GDPD4: variants seen among roughly 807,000 people sequenced by gnomAD.
GDPD4 encodes the protein glycerophosphodiester phosphodiesterase 6.
GDPD4 carries 60 observed loss-of-function variants against 67.8 expected under a neutral mutation model. That is an observed-to-expected ratio of 0.88 (90% confidence interval 0.72 to 1.10). GDPD4 has a LOEUF of 1.10. Among genes scored for constraint, GDPD4 ranks in the 50% least tolerant of loss-of-function variants. The pLI, the probability that GDPD4 is intolerant of heterozygous loss-of-function variation, is 0.00. For synonymous variants in GDPD4, 212 were observed against 210.9 expected (o/e 1.00, Z -0.04); for missense variants, 623 against 613.9 (o/e 1.01, Z -0.16).
In GDPD4 at chr11:77,233,084, A is replaced by C. The variant is rs1565511160; in HGVS notation, c.1330T>G (p.Ser444Ala). The part of the protein sequence containing the change: ...FSLAWCSRIN[S>A]VTTDNIGLLS... ...AGCCCAATGTTGTCTGTGGTCACTG[A>C]GTTAATCCTGGAGCACCAGGCCAGT... is the stretch of plus-strand genomic sequence containing the variant. The change falls in exon 14 of 17, where the codon TCA becomes GCA. Residue 444 changes from serine (S) to alanine (A), a missense_variant. Coordinates refer to ENST00000315938, the MANE Select transcript of GDPD4 (RefSeq NM_182833.3). The C allele has an allele frequency of 1.2e-6, 2 of 1,614,068 alleles. No individual in the cohort carries two copies. The highest frequency in any genetic ancestry group is 1.1e-5 in the South Asian group (1 of 91,070).
At chr11:77,240,210 G>C (rs1958636584) in intron 13 of GDPD4, among the ~76,000 whole-genome samples, 1 of 151,988 alleles carries the variant, frequency 6.6e-6, no homozygotes, top group Admixed American at 6.6e-5. Flanking sequence ...GAACAAGGCT[G>C]GACACATCAC....
At chr11:77,264,124 G>A (rs1305679670) in intron 10 of GDPD4, among the ~76,000 whole-genome samples, 1 of 152,088 alleles carries the variant, frequency 6.6e-6, no homozygotes, top group African/African-American at 2.4e-5. Flanking sequence ...TTTATAAGAG[G>A]ACTGGGAATA....
intron 10 of GDPD4, among the ~76,000 whole-genome samples, chr11:77,260,185 T>C (rs1052742789): frequency 2.6e-5 from 4 of 152,024 alleles, no homozygotes; most frequent in Non-Finnish European, 5.9e-5. Context: ...TACACGCCTG[T>C]AGTCCCAGCT....
intron 11 of GDPD4, among the ~76,000 whole-genome samples, chr11:77,247,047 TTTC>T (rs947664210): frequency 1.3e-5 from 2 of 152,174 alleles, no homozygotes; most frequent in Admixed American, 6.5e-5. Flanking sequence ...ACCTCTCCTA[TTTC>T]TTCTTCTTCT....
chr11:77,224,132 C>G (rs11824060), intron 16 of GDPD4: 1 of 152,122 alleles, frequency 6.6e-6, no homozygotes, highest in African/African-American at 2.4e-5. Flanking sequence ...GGAAATCCCC[C>G]GACCCCTTGC....
intron 4 of GDPD4, among the ~76,000 whole-genome samples, chr11:77,277,748 T>C (rs1481921813): frequency 6.6e-6 from 1 of 152,036 alleles, no homozygotes; most frequent in Non-Finnish European, 1.5e-5. Context: ...AGTTCTGCTC[T>C]GATCTTAGTT....
intron 12 of GDPD4, among the ~76,000 whole-genome samples, chr11:77,244,848 G>A (rs1958750112): frequency 6.6e-6 from 1 of 152,160 alleles, no homozygotes; most frequent in Non-Finnish European, 1.5e-5. Context: ...CCCAAATGCA[G>A]AGTTGCTTCT....
chr11:77,269,148 G>T, intron 8 of GDPD4, 79 bp from the exon 9 acceptor site: 1 of 1,353,954 alleles, frequency 7.4e-7, no homozygotes, highest in Non-Finnish European at 1.0e-6. Flanking sequence ...CAAAGCAGCA[G>T]TCTGAGTAAA....
intron 7 of GDPD4, 106 bp downstream of exon 7, chr11:77,271,024 G>C: frequency 1.4e-6 from 1 of 736,192 alleles, no homozygotes; most frequent in South Asian, 1.7e-5. Flanking sequence ...GAATTTCAAC[G>C]AGGCATAGGG....
At chr11:77,249,251 C>A (rs1192212718) in intron 11 of GDPD4, among the ~76,000 whole-genome samples, 4 of 132,512 alleles carry the variant, frequency 3.0e-5, no homozygotes, top group Middle Eastern at 4.4e-3. Context: ...GGCAACAGAC[C>A]GAGACTCCAT....
chr11:77,222,393 A>G (rs1048554400), intron 16 of GDPD4, among the ~76,000 whole-genome samples: 2 of 152,126 alleles, frequency 1.3e-5, no homozygotes, highest in East Asian at 3.8e-4. Context: ...TGCTTCCTTC[A>G]GGAGCTCTTT....
chr11:77,295,016 G>A (rs1038061206), intron 1 of GDPD4, among the ~76,000 whole-genome samples: 2 of 141,420 alleles, frequency 1.4e-5, no homozygotes, highest in East Asian at 4.1e-4. Flanking sequence ...ACCCAGGTTG[G>A]AGTGCAGTGG....
intron 4 of GDPD4, among the ~76,000 whole-genome samples, chr11:77,278,664 G>A (rs1479961892): frequency 6.6e-6 from 1 of 152,182 alleles, no homozygotes; most frequent in Non-Finnish European, 1.5e-5. Flanking sequence ...AAGGAATGGT[G>A]AAATCAGAGA....
chr11:77,263,863 T>C (rs545483221), intron 10 of GDPD4, among the ~76,000 whole-genome samples: 1 of 152,262 alleles, frequency 6.6e-6, no homozygotes, highest in South Asian at 2.1e-4. Context: ...TTTATTTCCC[T>C]TAAAAAGTTA....
chr11:77,224,132 C>T (rs11824060), intron 16 of GDPD4: 47,875 of 152,176 alleles, frequency 0.31, 7,849 homozygotes, highest in East Asian at 0.46. Flanking sequence ...GGAAATCCCC[C>T]GACCCCTTGC....
Position 77,271,302 on chromosome 11 carries a change from G to T in GDPD4, c.299C>A (p.Ser100Ter). 4 of 1,612,480 alleles carry T rather than the reference G, an allele frequency of 2.5e-6. No individual in the cohort carries two copies. The highest frequency in any genetic ancestry group is 3.4e-6 in the Non-Finnish European group (4 of 1,178,512). The change falls in exon 6 of 17, where the codon TCA becomes TAA. Residue 100 changes from serine (S) to a stop codon, truncating the protein, a stop_gained. Coordinates refer to ENST00000315938, the MANE Select transcript of GDPD4 (RefSeq NM_182833.3). LOFTEE classifies it high-confidence loss of function. ...WKERWLVAGL[S>*]MQIFAPYVHL... ...CTATAGGATGATGCTTACCTGCATT[G>T]ACAGCCCAGCTACCAGCCACCTTTC...
Position 77,279,389 on chromosome 11 carries a change from G to A in GDPD4, c.64C>T (p.Leu22=), listed in dbSNP as rs1479756753. The A allele has an allele frequency of 3.7e-6, 6 of 1,606,644 alleles. No homozygotes were observed. In the Admixed American group the frequency reaches 8.4e-5, roughly 22 times the overall value. ...CAGAAAAACCAGTATCCTGTTCCTA[G>A]AAAAGTGACCCTGAAAAAAAATGTG... ...EYFNFDWVTF[L]GTGYWFFWSI... Residue 22 remains leucine (L), a synonymous_variant, in exon 4 of 17, where the codon CTA becomes TTA. Transcript: ENST00000315938.
intron 1 of GDPD4, among the ~76,000 whole-genome samples, chr11:77,292,112 G>A (rs1203498078): frequency 1.3e-5 from 2 of 149,788 alleles, no homozygotes; most frequent in African/African-American, 2.5e-5. Context: ...TAATAAATCT[G>A]CAAAATGACA....
At chr11:77,273,749 A>G (rs1255116858) in intron 5 of GDPD4, among the ~76,000 whole-genome samples, 1 of 152,228 alleles carries the variant, frequency 6.6e-6, no homozygotes, top group Non-Finnish European at 1.5e-5. Context: ...TTGGGATGCC[A>G]GTAATTTCTT....
Sources: allele counts gnomAD v4.1 joint callset (sites outside exome capture counted in the v4.1 genomes callset), GRCh38; gene constraint gnomAD v4.1.1; transcripts MANE v1.5; gene names NCBI Gene and HGNC (gene_info 2026-07-23, HGNC 2026-07-21).